Variants in LEO1 observed in about 807,000 individuals in gnomAD.
The protein encoded by LEO1 is LEO1 component of Paf1/RNA polymerase II complex.
LEO1 carries 34 observed loss-of-function variants against 80.4 expected under a neutral mutation model. The observed-to-expected ratio is 0.42, with a 90% confidence interval of 0.32 to 0.56. The LOEUF is 0.56. Ranked by LOEUF, LEO1 falls within the 20% of genes least tolerant of loss-of-function variation. The pLI is 0.10. For missense variants in LEO1, 631 were observed against 814.2 expected, an observed-to-expected ratio of 0.77 and a Z score of 2.74; for synonymous variants, 262 against 274.9, an observed-to-expected ratio of 0.95 and a Z score of 0.46.
At chr15:51,952,003 A>G (rs867380929) in intron 8 of LEO1, 24 bp from the exon 9 acceptor site, 19 of 1,597,458 alleles carry the variant, frequency 1.2e-5, no homozygotes, top group Middle Eastern at 1.7e-4. Flanking sequence ...AACGAAGAGC[A>G]TATCACTGTT....
rs535532036 is a variant in LEO1, at chr15:51,954,589, C to T, written c.1246-14G>A. The T allele has an allele frequency of 5.6e-5, 87 of 1,543,274 alleles. 2 individuals are homozygous for T. The Admixed American group carries it at 1.2e-3, about 21-fold the overall frequency. On this transcript the variant is annotated splice_polypyrimidine_tract_variant and intron_variant, in intron 6 of 11. Coordinates refer to ENST00000299601, the MANE Select transcript of LEO1 (RefSeq NM_138792.4). ...AGTATTTTCTACCTGTTTCACAACA[C>T]AAGTACTTTAGAAAATTATAGTTTA... is the stretch of plus-strand genomic sequence containing the variant.
chr15:51,946,448 G>A (rs1410885491), intron 11 of LEO1, among the ~76,000 whole-genome samples: 3 of 152,082 alleles, frequency 2.0e-5, no homozygotes, highest in Non-Finnish European at 4.4e-5. Context: ...CGCTTGCCTC[G>A]GCCTCCCAAA....
intron 6 of LEO1, among the ~76,000 whole-genome samples, chr15:51,956,115 G>A (rs1001951377): frequency 1.3e-5 from 2 of 151,934 alleles, no homozygotes. Flanking sequence ...CAATAGGTTG[G>A]CCACATATAA....
chr15:51,951,724 T>C, intron 9 of LEO1, 120 bp downstream of exon 9: 1 of 823,608 alleles, frequency 1.2e-6, no homozygotes, highest in Non-Finnish European at 1.9e-6. Context: ...CAGCTCCCTA[T>C]TCATGTCAGT....
Position 51,938,278 on chromosome 15 carries a change from T to G in LEO1, c.1897-18A>C. 2 of 1,418,262 alleles carry G rather than the reference T, an allele frequency of 1.4e-6. No homozygotes were observed. Among genetic ancestry groups the G allele is most frequent in the Non-Finnish European group, 2.0e-6 (2 of 1,019,716 alleles). The allele number at this position is 1,418,262 out of a possible 1,614,324, so 87.9% of individuals were successfully genotyped here. ...TCACCTTCCTAAACAGATACAATTT[T>G]TACAAATCTACAAGTCAATAAAGAA... is the stretch of plus-strand genomic sequence containing the variant. On this transcript the variant is annotated intron_variant, in intron 11 of 11. Coordinates refer to ENST00000299601, the MANE Select transcript of LEO1 (RefSeq NM_138792.4).
Position 51,965,990 on chromosome 15 carries a change from C to T in LEO1, c.573G>A (p.Glu191=), listed in dbSNP as rs767475242. The T allele has an allele frequency of 3.2e-5, 51 of 1,614,036 alleles. No individual in the cohort carries two copies. Among genetic ancestry groups the T allele is most frequent in the Non-Finnish European group, 4.2e-5 (50 of 1,180,044 alleles). ...CATCATCGGAAAGCTGAGGCCTCTCCTCATCATCTGTGTTCTGCATTTTCT... is the reference window on the plus strand; with the variant it reads ...CATCATCGGAAAGCTGAGGCCTCTCTTCATCATCTGTGTTCTGCATTTTCT... ...DDEKMQNTDD[E]ERPQLSDDER... is the part of the protein sequence containing the mutation. The change falls in exon 2 of 12, where the codon GAG becomes GAA. Residue 191 remains glutamate (E), a synonymous_variant. Coordinates refer to ENST00000299601, the MANE Select transcript of LEO1 (RefSeq NM_138792.4).
intron 11 of LEO1, among the ~76,000 whole-genome samples, chr15:51,945,181 T>C (rs1439005690): frequency 6.8e-6 from 1 of 147,296 alleles, no homozygotes; most frequent in African/African-American, 2.5e-5. Context: ...CTTTGGGAAG[T>C]TGAGGCAGGC....
chr15:51,944,641 C>T (rs1034436721), intron 11 of LEO1, among the ~76,000 whole-genome samples: 7 of 152,166 alleles, frequency 4.6e-5, no homozygotes, highest in Non-Finnish European at 1.0e-4. Flanking sequence ...TTTAGGCCTA[C>T]TTGTCAGAGA....
chr15:51,964,623 T>C (rs2057060417), intron 2 of LEO1, among the ~76,000 whole-genome samples: 1 of 152,018 alleles, frequency 6.6e-6, no homozygotes, highest in South Asian at 2.1e-4. Context: ...CACAGATCTA[T>C]ATTCATCTCT....
intron 6 of LEO1, among the ~76,000 whole-genome samples, chr15:51,956,838 G>GGC (rs2056993521): frequency 6.6e-6 from 1 of 151,452 alleles, no homozygotes; most frequent in Non-Finnish European, 1.5e-5. Context: ...ATTTTTTTTT[G>GGC]GGGGGGAGAC....
At chr15:51,954,803 A>G (rs77992156) in intron 6 of LEO1, 5,385 of 500,874 alleles carry the variant, frequency 0.011, 167 homozygotes, top group East Asian at 0.09. Flanking sequence ...TCCTAGAATC[A>G]TAATCATAGA....
In LEO1 at chr15:51,938,072, C is replaced by T. The variant is rs1595924857; in HGVS notation, c.*84G>A. 4.5e-6 allele frequency: 3 copies of T among 663,266 alleles called. No individual in the cohort carries two copies. Among genetic ancestry groups the T allele is most frequent in the South Asian group, 2.2e-5 (1 of 46,478 alleles). 41.1% of individuals were successfully genotyped at this position (663,266 alleles called of 1,614,324 possible). On this transcript the variant is annotated 3_prime_UTR_variant, in exon 12 of 12. Transcript: ENST00000299601. Reference sequence around the variant, plus strand: ...CAATTAAAATTACACAAAAGCAAATCGATTCATTTCAATCAAAATAACTCA... The same window carrying T: ...CAATTAAAATTACACAAAAGCAAATTGATTCATTTCAATCAAAATAACTCA...
chr15:51,951,125 G>A (rs2056945391), intron 9 of LEO1, among the ~76,000 whole-genome samples: 1 of 152,240 alleles, frequency 6.6e-6, no homozygotes, highest in Admixed American at 6.5e-5. Context: ...GAGGTAACTG[G>A]ACTGTCTTAG....
chr15:51,965,670 T>C (rs2057068856), intron 2 of LEO1, 79 bp downstream of exon 2: 3 of 1,504,966 alleles, frequency 2.0e-6, no homozygotes, highest in Non-Finnish European at 2.6e-6. Context: ...GTAATAAAGA[T>C]GGGAATAAAG....
At chr15:51,941,307 A>G (rs1285749833) in intron 11 of LEO1, among the ~76,000 whole-genome samples, 3 of 152,208 alleles carry the variant, frequency 2.0e-5, no homozygotes, top group Non-Finnish European at 2.9e-5. Flanking sequence ...ATTTTTATTA[A>G]GTCTAAAAGA....
At chr15:51,966,969 G>A (rs1033044770) in intron 1 of LEO1, among the ~76,000 whole-genome samples, 2 of 151,922 alleles carry the variant, frequency 1.3e-5, no homozygotes, top group Non-Finnish European at 2.9e-5. Flanking sequence ...AGAGTCACTA[G>A]AGGGGCTCAA....
intron 1 of LEO1, among the ~76,000 whole-genome samples, chr15:51,969,897 A>C (rs540652484): frequency 3.3e-5 from 5 of 152,088 alleles, no homozygotes; most frequent in Middle Eastern, 3.4e-3. Context: ...GGAAAGTGTA[A>C]ACTGAAACCA....
At chr15:51,969,714 T>C (rs1595950516) in intron 1 of LEO1, among the ~76,000 whole-genome samples, 1 of 151,548 alleles carries the variant, frequency 6.6e-6, no homozygotes, top group Non-Finnish European at 1.5e-5. Context: ...TGGTGGCAGG[T>C]GCCTGTAATC....
At chr15:51,943,283 G>A (rs2056871235) in intron 11 of LEO1, among the ~76,000 whole-genome samples, 1 of 151,918 alleles carries the variant, frequency 6.6e-6, no homozygotes, top group Admixed American at 6.6e-5. Context: ...GGAGGCTGAG[G>A]CAGGAGAATC....
Sources: allele counts gnomAD v4.1 joint callset (sites outside exome capture counted in the v4.1 genomes callset), GRCh38; gene constraint gnomAD v4.1.1; transcripts MANE v1.5; gene names NCBI Gene and HGNC (gene_info 2026-07-23, HGNC 2026-07-21).